The following CPNE8 variants were observed in gnomAD, a reference collection of about 807,000 sequenced individuals.
CPNE8 encodes the protein copine-8.
In CPNE8, 45 loss-of-function variants were observed where a neutral mutation model predicts 81.5. The observed-to-expected ratio is 0.55, with a 90% CI of 0.44 to 0.71. CPNE8 has a LOEUF of 0.71. CPNE8 is among the 30% of genes least tolerant of loss of function. The pLI, the probability that CPNE8 is intolerant of heterozygous loss-of-function variation, is 0.00. For synonymous variants in CPNE8, 252 were observed against 226.3 expected, an observed-to-expected ratio of 1.11 and a Z score of -1.02; for missense variants, 594 against 672.1, an observed-to-expected ratio of 0.88 and a Z score of 1.28.
chr12:38,724,103 C>G (rs1414937575), intron 12 of CPNE8, among the ~76,000 whole-genome samples: 1 of 152,030 alleles, frequency 6.6e-6, no homozygotes, highest in African/African-American at 2.4e-5. Context: ...GTGTTACTTC[C>G]CATTTTAGAT....
intron 6 of CPNE8, among the ~76,000 whole-genome samples, chr12:38,827,967 T>C (rs537043894): frequency 2.6e-5 from 4 of 152,224 alleles, no homozygotes; most frequent in Non-Finnish European, 4.4e-5. Context: ...CCTCTGAACC[T>C]AAAATAAAAG....
chr12:38,703,216 A>C (rs1939994160), intron 13 of CPNE8, among the ~76,000 whole-genome samples: 1 of 152,212 alleles, frequency 6.6e-6, no homozygotes, highest in Non-Finnish European at 1.5e-5. Context: ...AAAGTAGTCA[A>C]ACTGCAAATA....
At chr12:38,674,176 T>C (rs1040932864) in intron 18 of CPNE8, among the ~76,000 whole-genome samples, 2 of 152,114 alleles carry the variant, frequency 1.3e-5, no homozygotes, top group East Asian at 1.9e-4. Context: ...ATAAGGGCAG[T>C]AGCAAAACGG....
chr12:38,836,899 G>C (rs770628699), intron 5 of CPNE8, among the ~76,000 whole-genome samples: 12 of 152,136 alleles, frequency 7.9e-5, no homozygotes, highest in Non-Finnish European at 1.8e-4. Flanking sequence ...CAGAAATCTA[G>C]ATAGTCATCT....
At chr12:38,795,867 G>GGATAGATA (rs11377515) in intron 6 of CPNE8, among the ~76,000 whole-genome samples, 14,192 of 148,084 alleles carry the variant, frequency 0.096, 729 homozygotes, top group Middle Eastern at 0.17. Context: ...ATGGATGGAT[G>GGATAGATA]GATAGATAGA....
At chr12:38,901,126 A>T (rs1415463427) in intron 1 of CPNE8, among the ~76,000 whole-genome samples, 2 of 152,104 alleles carry the variant, frequency 1.3e-5, no homozygotes, top group East Asian at 3.9e-4. Context: ...GAGGCTGAGG[A>T]AGGATAATTG....
intron 3 of CPNE8, among the ~76,000 whole-genome samples, chr12:38,865,710 T>C (rs968682638): frequency 6.6e-6 from 1 of 152,194 alleles, no homozygotes; most frequent in Non-Finnish European, 1.5e-5. Context: ...TTCATTGTGC[T>C]GTATAATTTG....
intron 13 of CPNE8, among the ~76,000 whole-genome samples, chr12:38,707,562 G>A (rs1940139920): frequency 6.6e-6 from 1 of 152,070 alleles, no homozygotes; most frequent in Non-Finnish European, 1.5e-5. Context: ...ATAAAAGGTG[G>A]ATGCATTCAT....
rs533629648 is a variant in CPNE8 at position 38,665,453 on chromosome 12, G to A, written c.1506+5276C>T. On this transcript the variant is annotated intron_variant, in intron 19 of 19. Transcript: ENST00000331366. Reference sequence around the variant, plus strand: ...TTTTTTCAGCACCCACAAGTGTAGGGAAAATGTTCCACATGACTGCTCTAG... The same window carrying A: ...TTTTTTCAGCACCCACAAGTGTAGGAAAAATGTTCCACATGACTGCTCTAG... Among the ~76,000 whole-genome samples the A allele has an allele frequency of 2.6e-5, 4 of 152,228 alleles. No individual in the cohort carries two copies. In the East Asian group the frequency reaches 7.7e-4, roughly 29 times the overall value.
intron 10 of CPNE8, among the ~76,000 whole-genome samples, chr12:38,733,993 C>G (rs1940896158): frequency 6.8e-6 from 1 of 146,922 alleles, no homozygotes; most frequent in African/African-American, 2.5e-5. Context: ...CTATGATATC[C>G]TCCAAGAAGT....
intron 1 of CPNE8, among the ~76,000 whole-genome samples, chr12:38,878,909 A>G (rs1371601638): frequency 6.6e-6 from 1 of 152,196 alleles, no homozygotes; most frequent in East Asian, 1.9e-4. Flanking sequence ...GCAATATAGG[A>G]TGGTGTATAA....
At chr12:38,687,452 G>A (rs1939559889) in intron 15 of CPNE8, among the ~76,000 whole-genome samples, 1 of 143,494 alleles carries the variant, frequency 7.0e-6, no homozygotes, top group Admixed American at 7.6e-5. Flanking sequence ...CCGGATCTCG[G>A]TTCACTGCAA....
intron 6 of CPNE8, among the ~76,000 whole-genome samples, chr12:38,817,077 C>T (rs1175834394): frequency 1.3e-5 from 2 of 152,138 alleles, no homozygotes; most frequent in African/African-American, 4.8e-5. Context: ...TTCCCTTTCT[C>T]CAGGGAATAT....
rs1371560956 is a variant in CPNE8, at chr12:38,653,269, GA to G, written c.*612del. The G allele has an allele frequency of 1.3e-5, 2 of 152,596 alleles. No individual in the cohort carries two copies. The highest frequency in any genetic ancestry group is 2.9e-5 in the Non-Finnish European group (2 of 68,020). 9.5% of individuals were successfully genotyped at this position (152,596 alleles called of 1,614,324 possible). A position where few individuals can be genotyped will look rare whatever the true frequency, so the allele number is the denominator to read the frequency against. On this transcript the variant is annotated 3_prime_UTR_variant, in exon 20 of 20. Coordinates refer to ENST00000331366, the MANE Select transcript of CPNE8 (RefSeq NM_153634.3). ...TCCCATACCCAGCAAACATTGCTGA[GA>G]AATTGTTTATTAAGCAGATGTAGTT...
intron 10 of CPNE8, among the ~76,000 whole-genome samples, chr12:38,743,546 A>G (rs1381762542): frequency 6.6e-6 from 1 of 152,128 alleles, no homozygotes; most frequent in Admixed American, 6.6e-5. Context: ...ATTGAAATAT[A>G]CAATTACATA....
At chr12:38,783,786 T>C (rs1307538729) in intron 6 of CPNE8, among the ~76,000 whole-genome samples, 1 of 152,204 alleles carries the variant, frequency 6.6e-6, no homozygotes, top group Non-Finnish European at 1.5e-5. Context: ...GTATCTCTAC[T>C]AGTCTGCAAG....
At chr12:38,787,935 A>G (rs1470332595) in intron 6 of CPNE8, among the ~76,000 whole-genome samples, 1 of 149,918 alleles carries the variant, frequency 6.7e-6, no homozygotes, top group African/African-American at 2.4e-5. Context: ...CAAGTAAGGA[A>G]AGTAAGGAGA....
chr12:38,809,849 C>G (rs964735964), intron 6 of CPNE8, among the ~76,000 whole-genome samples: 1 of 152,096 alleles, frequency 6.6e-6, no homozygotes, highest in Non-Finnish European at 1.5e-5. Context: ...TGTAAAGAAA[C>G]AGATTATCTG....
At chr12:38,713,088 A>T (rs1940301027) in intron 13 of CPNE8, among the ~76,000 whole-genome samples, 1 of 152,190 alleles carries the variant, frequency 6.6e-6, no homozygotes, top group Admixed American at 6.5e-5. Flanking sequence ...AAAACAGGTT[A>T]TGCTAGCAAG....
Sources: gnomAD v4.1 joint callset for allele counts (sites outside exome capture counted in the v4.1 genomes callset) on GRCh38, gnomAD v4.1.1 for gene constraint, MANE v1.5 for transcripts, NCBI Gene and HGNC (gene_info 2026-07-23, HGNC 2026-07-21) for gene names.